The following DAB1 variants were observed in gnomAD, a reference collection of about 807,000 sequenced individuals.
DAB1 encodes DAB adaptor protein 1, also known as disabled homolog 1.
In DAB1, 15 loss-of-function variants were observed where a neutral mutation model predicts 64.6. The observed-to-expected ratio is 0.23, with a 90% CI of 0.16 to 0.36. The LOEUF (loss-of-function observed/expected upper bound fraction) is 0.36, where lower values mean the gene tolerates loss of function less well. Ranked by LOEUF, DAB1 falls within the 10% of genes least tolerant of loss-of-function variation. DAB1 has a pLI of 1.00. For synonymous variants in DAB1, 235 were observed against 251.9 expected (o/e 0.93, Z 0.64); for missense variants, 596 against 706.7 (o/e 0.84, Z 1.78).
intron 5 of DAB1, among the ~76,000 whole-genome samples, chr1:58,120,895 A>C (rs547065202): frequency 2.0e-5 from 3 of 152,298 alleles, no homozygotes; most frequent in African/African-American, 7.2e-5. Flanking sequence ...TAATGATAGG[A>C]TATAATTCCA....
intron 6 of DAB1, among the ~76,000 whole-genome samples, chr1:57,708,054 C>T (rs1157399608): frequency 6.6e-6 from 1 of 152,194 alleles, no homozygotes. Context: ...TGGCACTGCA[C>T]AAGGTCACAT....
At chr1:58,231,921 C>A (rs1264060746) in intron 4 of DAB1, among the ~76,000 whole-genome samples, 4 of 152,172 alleles carry the variant, frequency 2.6e-5, no homozygotes, top group Non-Finnish European at 5.9e-5. Context: ...AATTCAGATT[C>A]ACAGAGATTA....
chr1:57,188,732 A>T (rs1663841480), intron 2 of DAB1, among the ~76,000 whole-genome samples: 1 of 152,174 alleles, frequency 6.6e-6, no homozygotes, highest in Non-Finnish European at 1.5e-5. Flanking sequence ...TCCATTAATC[A>T]GTGACTTGAG....
intron 7 of DAB1, among the ~76,000 whole-genome samples, chr1:57,594,355 C>T (rs1190207721): frequency 5.3e-5 from 8 of 152,126 alleles, no homozygotes; most frequent in Admixed American, 3.3e-4. Context: ...AGACGTGACA[C>T]GCAGGATTTT....
intron 1 of DAB1, among the ~76,000 whole-genome samples, chr1:57,380,403 C>A (rs914282986): frequency 6.6e-5 from 10 of 152,164 alleles, no homozygotes; most frequent in African/African-American, 2.4e-4. Flanking sequence ...AACCGTCTTA[C>A]CCAAATATTG....
At chr1:58,383,273 A>G (rs780234106) in intron 3 of DAB1, among the ~76,000 whole-genome samples, 3 of 152,214 alleles carry the variant, frequency 2.0e-5, no homozygotes, top group Non-Finnish European at 2.9e-5. Context: ...GACAGAGTCA[A>G]GATTCAGACT....
intron 7 of DAB1, among the ~76,000 whole-genome samples, chr1:57,437,931 G>A (rs1032068210): frequency 1.1e-4 from 16 of 152,142 alleles, no homozygotes; most frequent in African/African-American, 2.4e-5. Context: ...TCCAGCCCCC[G>A]CTCTGCCTCT....
At chr1:58,479,374 C>T (rs536416597) in intron 3 of DAB1, among the ~76,000 whole-genome samples, 13 of 152,200 alleles carry the variant, frequency 8.5e-5, no homozygotes, top group African/African-American at 3.1e-4. Flanking sequence ...TCAGGAAATT[C>T]CTTACAAGTA....
intron 9 of DAB1, among the ~76,000 whole-genome samples, chr1:57,032,424 A>G (rs553011475): frequency 5.3e-5 from 8 of 152,146 alleles, no homozygotes; most frequent in Non-Finnish European, 1.0e-4. Flanking sequence ...AGAAGAGGCC[A>G]TCTCAGGGTC....
chr1:57,220,087 G>A (rs1666741487), intron 2 of DAB1, among the ~76,000 whole-genome samples: 1 of 152,174 alleles, frequency 6.6e-6, no homozygotes, highest in African/African-American at 2.4e-5. Flanking sequence ...AATGCTCCAG[G>A]GTGAACTGTA....
At chr1:57,538,693 C>G (rs1644759873) in intron 7 of DAB1, among the ~76,000 whole-genome samples, 1 of 152,176 alleles carries the variant, frequency 6.6e-6, no homozygotes, top group Admixed American at 6.5e-5. Context: ...GTCAGAAGAT[C>G]TATGTTTCAG....
chr1:57,451,690 G>A (rs1399002034), intron 7 of DAB1, among the ~76,000 whole-genome samples: 1 of 152,164 alleles, frequency 6.6e-6, no homozygotes, highest in African/African-American at 2.4e-5. Flanking sequence ...ATTCAAAGTC[G>A]CTTATACATT....
At chr1:57,901,456 C>T (rs765572097) in intron 5 of DAB1, among the ~76,000 whole-genome samples, 3 of 152,074 alleles carry the variant, frequency 2.0e-5, no homozygotes, top group Non-Finnish European at 4.4e-5. Flanking sequence ...TTGAAATTTA[C>T]TCTTCTCCAA....
chr1:57,675,035 T>C (rs1447298460), intron 6 of DAB1, among the ~76,000 whole-genome samples: 5 of 152,212 alleles, frequency 3.3e-5, no homozygotes, highest in South Asian at 2.1e-4. Context: ...TGATGTAACA[T>C]GCAACTTCTA....
Position 58,106,302 on chromosome 1 carries a change from G to A in DAB1, n.387+44209C>T, listed in dbSNP as rs572456834. The stretch of plus-strand genomic sequence containing the variant: ...GGGTAATCCTCCTGCCTCAGCCTCT[G>A]AAGTATCTAGGACTACATGCACACA... On this transcript the variant is annotated intron_variant and non_coding_transcript_variant, in intron 5 of 20. Coordinates refer to the DAB1 transcript ENST00000485760. 4.0e-5 allele frequency among the ~76,000 whole-genome samples: 6 copies of A among 151,854 alleles called. No individual in the cohort carries two copies. The South Asian group carries it at 8.3e-4, about 21-fold the overall frequency.
intron 7 of DAB1, among the ~76,000 whole-genome samples, chr1:57,486,433 A>T (rs1021859885): frequency 2.6e-5 from 4 of 152,130 alleles, no homozygotes; most frequent in Non-Finnish European, 5.9e-5. Context: ...AGAGGAGGAG[A>T]GACTGCCAGT....
intron 5 of DAB1, among the ~76,000 whole-genome samples, chr1:57,896,749 A>G (rs1644397652): frequency 6.6e-6 from 1 of 152,200 alleles, no homozygotes; most frequent in Non-Finnish European, 1.5e-5. Flanking sequence ...TACATAAAGT[A>G]TTTAGAAATA....
intron 1 of DAB1, among the ~76,000 whole-genome samples, chr1:57,879,918 G>C (rs1644116246): frequency 6.6e-6 from 1 of 152,310 alleles, no homozygotes; most frequent in Non-Finnish European, 1.5e-5. Flanking sequence ...TTGCACAGAG[G>C]AAAGTGGAGT....
intron 3 of DAB1, among the ~76,000 whole-genome samples, chr1:58,429,686 C>G (rs753745950): frequency 6.6e-6 from 1 of 152,146 alleles, no homozygotes; most frequent in African/African-American, 2.4e-5. Flanking sequence ...AAGGGCCTGA[C>G]CATGCTGGAT....
Sources: allele counts gnomAD v4.1 joint callset (sites outside exome capture counted in the v4.1 genomes callset), GRCh38; gene constraint gnomAD v4.1.1; transcripts MANE v1.5; gene names NCBI Gene and HGNC (gene_info 2026-07-23, HGNC 2026-07-21).